Variants in TNNI3K observed in about 807,000 individuals in gnomAD.
The protein encoded by TNNI3K is serine/threonine-protein kinase TNNI3K.
TNNI3K carries 140 observed loss-of-function variants against 114.5 expected under a neutral mutation model. The ratio of observed to expected loss-of-function variants is 1.22; its 90% CI spans 1.07 to 1.41. TNNI3K has a LOEUF of 1.41. Among genes scored for constraint, TNNI3K ranks in the 40% most tolerant of loss-of-function variants. The pLI is 0.00. For synonymous variants in TNNI3K, 347 were observed against 347.5 expected (o/e 1.00, Z 0.02); for missense variants, 1,125 against 1,007.6 (o/e 1.12, Z -1.58).
chr1:74,451,864 T>G (rs1667043717), intron 20 of TNNI3K, among the ~76,000 whole-genome samples: 1 of 151,488 alleles, frequency 6.6e-6, no homozygotes, highest in South Asian at 2.1e-4. Context: ...TTTCTCAAAA[T>G]GTTTCATCTG....
chr1:74,492,087 C>T lies in TNNI3K; in HGVS notation c.2182-10C>T, dbSNP rs202081102. 1.7e-5 allele frequency: 26 copies of T among 1,520,342 alleles called. No individual in the cohort carries two copies. Among genetic ancestry groups the T allele is most frequent in the Non-Finnish European group, 2.2e-5 (25 of 1,120,446 alleles). The allele number at this position is 1,520,342 out of a possible 1,614,324, so 94.2% of individuals were successfully genotyped here. Reference sequence around the variant, plus strand: ...TATTAAACAATTGAAATTGCCCCTCCTCCACTCAGCTGATGTCTCCTGCAT... The same window carrying T: ...TATTAAACAATTGAAATTGCCCCTCTTCCACTCAGCTGATGTCTCCTGCAT... On this transcript the variant is annotated splice_polypyrimidine_tract_variant and intron_variant, in intron 22 of 24. Coordinates refer to ENST00000326637, the MANE Select transcript of TNNI3K (RefSeq NM_015978.3).
At chr1:74,367,432 G>C in intron 12 of TNNI3K, 90 bp downstream of exon 12, 1 of 1,411,398 alleles carries the variant, frequency 7.1e-7, no homozygotes. Context: ...TTCTTTCAGG[G>C]GTTAGGGAGG....
At chr1:74,440,423 C>G (rs17095331) in intron 20 of TNNI3K, among the ~76,000 whole-genome samples, 3,151 of 152,058 alleles carry the variant, frequency 0.021, 112 homozygotes, top group African/African-American at 0.071. Flanking sequence ...AATGGCCACC[C>G]TACAACAATA....
At chr1:74,471,993 G>A (rs566707022) in intron 21 of TNNI3K, 7 of 635,198 alleles carry the variant, frequency 1.1e-5, no homozygotes, top group Middle Eastern at 2.5e-4. Context: ...TTTTTTGTAC[G>A]ATCTTTTGTA....
At position 74,472,973 on chromosome 1, in the gene TNNI3K, G is replaced by A. The variant is rs531174659; in HGVS notation, c.2121+9423G>A. ...ACATGATGAACCATTCAGAAAGGAA[G>A]CTTCCTTTGACTGTTTGGGGACAGA... On this transcript the variant is annotated intron_variant, in intron 21 of 24. Coordinates refer to ENST00000326637, the MANE Select transcript of TNNI3K (RefSeq NM_015978.3). 1.4e-4 allele frequency among the ~76,000 whole-genome samples: 21 copies of A among 152,190 alleles called. No homozygotes were observed. The South Asian group carries it at 4.4e-3, about 32-fold the overall frequency.
rs1360723837 is a variant in TNNI3K, at chr1:74,436,508, C to A, written c.1860C>A (p.Asn620Lys). The part of the protein sequence containing the change: ...SRFLQSLDED[N>K]MTKQPGNLRW... ...TTCTACAGTCTCTGGATGAAGACAACATGACAAAACAACCTGGGGTTTGCT... is the reference window on the plus strand; with the variant it reads ...TTCTACAGTCTCTGGATGAAGACAAAATGACAAAACAACCTGGGGTTTGCT... The change falls in exon 19 of 25, where the codon AAC becomes AAA. Residue 620 changes from asparagine to lysine, a missense_variant. Transcript: ENST00000326637. 6.3e-7 allele frequency: 1 copy of A among 1,586,928 alleles called. No individual in the cohort carries two copies. The highest frequency in any genetic ancestry group is 8.5e-7 in the Non-Finnish European group (1 of 1,173,010).
intron 23 of TNNI3K, among the ~76,000 whole-genome samples, chr1:74,497,266 C>A (rs1669376377): frequency 6.6e-6 from 1 of 152,116 alleles, no homozygotes; most frequent in Non-Finnish European, 1.5e-5. Flanking sequence ...TTCAGTATAG[C>A]AGATGTTTAC....
intron 23 of TNNI3K, among the ~76,000 whole-genome samples, chr1:74,494,011 G>C (rs937220256): frequency 2.0e-5 from 3 of 152,170 alleles, no homozygotes; most frequent in African/African-American, 4.8e-5. Flanking sequence ...AGGGGCCCCT[G>C]TTCTAGATGG....
intron 20 of TNNI3K, among the ~76,000 whole-genome samples, chr1:74,451,155 C>T (rs139304797): frequency 0.02 from 3,006 of 152,200 alleles, 86 homozygotes; most frequent in African/African-American, 0.069. Flanking sequence ...AACAGAAAAC[C>T]AAACACCACA....
intron 17 of TNNI3K, among the ~76,000 whole-genome samples, chr1:74,435,736 CT>C (rs568806709): frequency 5.7e-4 from 86 of 152,020 alleles, no homozygotes; most frequent in African/African-American, 2.0e-3. Flanking sequence ...GCCCATGATG[CT>C]TTTCACTCTT....
chr1:74,262,541 GAAA>G (rs45482796), intron 4 of TNNI3K, among the ~76,000 whole-genome samples: 2 of 137,458 alleles, frequency 1.5e-5, no homozygotes, highest in Admixed American at 1.4e-4. Flanking sequence ...ATAATTTGAA[GAAA>G]AAAAAAACTC....
chr1:74,282,922 G>A (rs1470028272), intron 5 of TNNI3K, among the ~76,000 whole-genome samples: 1 of 152,002 alleles, frequency 6.6e-6, no homozygotes, highest in Admixed American at 6.6e-5. Context: ...CATCGCAAGG[G>A]CCAAATATGC....
At chr1:74,532,363 T>A (rs1003553422) in intron 23 of TNNI3K, among the ~76,000 whole-genome samples, 15 of 152,324 alleles carry the variant, frequency 9.8e-5, no homozygotes, top group Admixed American at 3.9e-4. Context: ...TATGTGCAAA[T>A]AATCCAAAAC....
At chr1:74,517,708 T>G (rs540074113) in intron 23 of TNNI3K, among the ~76,000 whole-genome samples, 1 of 152,174 alleles carries the variant, frequency 6.6e-6, no homozygotes, top group Non-Finnish European at 1.5e-5. Flanking sequence ...AGAGTACGAC[T>G]GGTAAACCGA....
At chr1:74,236,246 T>G (rs745481728) in intron 2 of TNNI3K, 36 bp downstream of exon 2, 11 of 1,556,568 alleles carry the variant, frequency 7.1e-6, no homozygotes, top group Non-Finnish European at 1.8e-6. Context: ...TTTGTATAAG[T>G]GTCTTCAGTA....
intron 17 of TNNI3K, among the ~76,000 whole-genome samples, chr1:74,420,337 A>G (rs1424977601): frequency 6.6e-6 from 1 of 152,138 alleles, no homozygotes; most frequent in African/African-American, 2.4e-5. Context: ...ATTTGTTCAA[A>G]GAAAAGGAAG....
At chr1:74,430,990 T>C (rs1665870758) in intron 17 of TNNI3K, among the ~76,000 whole-genome samples, 1 of 152,164 alleles carries the variant, frequency 6.6e-6, no homozygotes, top group African/African-American at 2.4e-5. Context: ...CATTACTTAA[T>C]ACCTAATGTA....
At chr1:74,356,271 C>G (rs993849226) in intron 11 of TNNI3K, among the ~76,000 whole-genome samples, 2 of 152,056 alleles carry the variant, frequency 1.3e-5, no homozygotes, top group African/African-American at 4.8e-5. Context: ...TTAATTCATT[C>G]TACTGTTCAC....
At chr1:74,372,095 A>G (rs1456611982) in intron 17 of TNNI3K, 5 of 10,270 alleles carry the variant, frequency 4.9e-4, no homozygotes, top group African/African-American at 7.7e-4. Flanking sequence ...TTTTTAAGAA[A>G]AAAAAAAAAA....
Sources: allele counts gnomAD v4.1 joint callset (sites outside exome capture counted in the v4.1 genomes callset), GRCh38; gene constraint gnomAD v4.1.1; transcripts MANE v1.5; gene names NCBI Gene and HGNC (gene_info 2026-07-23, HGNC 2026-07-21).